The following FAM83G variants were observed in gnomAD, a reference collection of about 807,000 sequenced individuals.
The protein encoded by FAM83G is protein FAM83G.
Under a neutral mutation model 61.5 loss-of-function variants are expected in FAM83G, and 38 were observed. That is an observed-to-expected ratio of 0.62 (90% CI 0.48 to 0.81). The LOEUF is 0.81. FAM83G is among the 30% of genes least tolerant of loss of function. FAM83G has a pLI of 0.00. For missense variants in FAM83G, 989 were observed against 1,133.6 expected (o/e 0.87, Z 1.83); for synonymous variants, 470 against 476.1 (o/e 0.99, Z 0.17).
rs142729090 is a variant in FAM83G at position 18,972,005 on chromosome 17, A to G, written c.2083-257T>C. Among the ~76,000 whole-genome samples, 1,004 of 152,268 alleles carry G rather than the reference A, an allele frequency of 6.6e-3. 19 individuals are homozygous for G. Among genetic ancestry groups the G allele is most frequent in the African/African-American group, 0.022 (917 of 41,564 alleles). On this transcript the variant is annotated intron_variant, in intron 5 of 5. Coordinates refer to ENST00000388995, the MANE Select transcript of FAM83G (RefSeq NM_001039999.3). ...CCAGCTCACCCCCGCAGCCTCCTCT[A>G]TTCCGACACAGGCCTGGGACGTGGT...
At chr17:19,002,407 G>A (rs572355102) in intron 2 of FAM83G, among the ~76,000 whole-genome samples, 9 of 152,312 alleles carry the variant, frequency 5.9e-5, no homozygotes, top group African/African-American at 1.4e-4. Context: ...CTTGACCCAC[G>A]TCTGGTTTCT....
chr17:19,005,112 T>C (rs2043847323), upstream of FAM83G, among the ~76,000 whole-genome samples: 1 of 152,068 alleles, frequency 6.6e-6, no homozygotes, highest in East Asian at 1.9e-4. Context: ...GGGAAGTCCG[T>C]GCGGCTGTAT....
At chr17:18,972,984 G>A (rs560635447) in intron 5 of FAM83G, among the ~76,000 whole-genome samples, 1 of 152,118 alleles carries the variant, frequency 6.6e-6, no homozygotes, top group Non-Finnish European at 1.5e-5. Context: ...CTCATGCTCC[G>A]GCATGCTGTG....
chr17:18,971,035 C>T lies in FAM83G; in HGVS notation c.*324G>A, dbSNP rs746717664. On this transcript the variant is annotated 3_prime_UTR_variant, in exon 6 of 6. Transcript: ENST00000388995. The surrounding 1 kb of genome is among the most constrained non-coding windows in gnomAD (Gnocchi z 5.5). Reference sequence around the variant, plus strand: ...CAGCTTTTGACCAGATCGGTGGTTACGGGCAGCTGGAGGCAGCCTACGCCC... The same window carrying T: ...CAGCTTTTGACCAGATCGGTGGTTATGGGCAGCTGGAGGCAGCCTACGCCC... 24 of 1,613,826 alleles carry T rather than the reference C, an allele frequency of 1.5e-5. No homozygotes were observed. The highest frequency in any genetic ancestry group is 1.3e-4 in the East Asian group (6 of 44,900).
Position 18,971,401 on chromosome 17 carries a change from A to G in FAM83G, c.2430T>C (p.Ser810=). ...TGGSQWASSD[S]KRRAQAPRDR... ...CCCGGGGGGCTTGAGCCCTCCGTTTAGAATCCGATGAGGCCCACTGGCTAC... is the reference window on the plus strand; with the variant it reads ...CCCGGGGGGCTTGAGCCCTCCGTTTGGAATCCGATGAGGCCCACTGGCTAC... Residue 810 remains serine (S), a synonymous_variant, in exon 6 of 6, where the codon TCT becomes TCC. Transcript: ENST00000388995. This position sits in a 1 kb window ranked among gnomAD's most constrained non-coding sequence, Gnocchi z 5.5. The G allele has an allele frequency of 1.2e-6, 2 of 1,613,750 alleles. No individual in the cohort carries two copies. The highest frequency in any genetic ancestry group is 8.5e-7 in the Non-Finnish European group (1 of 1,179,992).
chr17:19,002,165 A>C (rs1272192815), intron 2 of FAM83G, among the ~76,000 whole-genome samples: 1 of 152,060 alleles, frequency 6.6e-6, no homozygotes. Flanking sequence ...TTGTCACCCG[A>C]TATTCCATCT....
At chr17:18,978,954 C>T in intron 4 of FAM83G, 104 bp from the exon 5 acceptor site, 1 of 1,333,686 alleles carries the variant, frequency 7.5e-7, no homozygotes, top group South Asian at 1.4e-5. Context: ...GCCACAGGGC[C>T]CTGGGATCAA....
chr17:18,973,420 C>G (rs1453730087), intron 5 of FAM83G, among the ~76,000 whole-genome samples: 1 of 152,262 alleles, frequency 6.6e-6, no homozygotes, highest in Non-Finnish European at 1.5e-5. Context: ...GTTCAGGACA[C>G]CAACCAGCAT....
chr17:18,982,824 A>G lies in FAM83G; in HGVS notation c.691-3151T>C, dbSNP rs369554280. On this transcript the variant is annotated intron_variant, in intron 3 of 5. Coordinates refer to ENST00000388995, the MANE Select transcript of FAM83G (RefSeq NM_001039999.3). ...TCTAGGCATTCCTGAGCTCCAGTCAAACAGGCTCCAATCCTAGCACCAAAT... is the reference window on the plus strand; with the variant it reads ...TCTAGGCATTCCTGAGCTCCAGTCAGACAGGCTCCAATCCTAGCACCAAAT... 2.6e-3 allele frequency among the ~76,000 whole-genome samples: 391 copies of G among 152,366 alleles called. 1 individual carries two copies. The highest frequency in any genetic ancestry group is 9.1e-3 in the African/African-American group (380 of 41,590).
rs2042833786 is a variant in FAM83G, at chr17:18,971,182, G to C, written c.*177C>G. ...CGTGGACCGGGATGACCTTTGGCCTGACCATCATGGCCACCTGGTACTGGT... is the reference window on the plus strand; with the variant it reads ...CGTGGACCGGGATGACCTTTGGCCTCACCATCATGGCCACCTGGTACTGGT... On this transcript the variant is annotated 3_prime_UTR_variant, in exon 6 of 6. Transcript: ENST00000388995. The surrounding 1 kb of genome is among the most constrained non-coding windows in gnomAD (Gnocchi z 5.5). 1 of 1,614,048 alleles carries C rather than the reference G, an allele frequency of 6.2e-7. No individual in the cohort carries two copies. Among genetic ancestry groups the C allele is most frequent in the Non-Finnish European group, 8.5e-7 (1 of 1,180,044 alleles).
chr17:18,995,042 G>T (rs1017720530), intron 2 of FAM83G, among the ~76,000 whole-genome samples: 2 of 152,012 alleles, frequency 1.3e-5, no homozygotes, highest in African/African-American at 4.8e-5. Flanking sequence ...CCAGAACAAG[G>T]CTCCAAAATA....
chr17:18,972,140 C>A (rs967687946), intron 5 of FAM83G, among the ~76,000 whole-genome samples: 3 of 152,184 alleles, frequency 2.0e-5, no homozygotes, highest in African/African-American at 7.2e-5. Context: ...TCCAGGTGAC[C>A]TCAGATGAGC....
In FAM83G at chr17:18,977,898, G is replaced by A. The variant is rs1236212888; in HGVS notation, c.1768C>T (p.Leu590Phe). 1.2e-6 allele frequency: 2 copies of A among 1,610,716 alleles called. No individual in the cohort carries two copies. Among genetic ancestry groups the A allele is most frequent in the Non-Finnish European group, 1.7e-6 (2 of 1,179,706 alleles). Reference sequence around the variant, plus strand: ...CCTGAGTGGCTGTCCTGGTCACTGAGGGTTACGTAGTCGTCATCATCTTCT... The same window carrying A: ...CCTGAGTGGCTGTCCTGGTCACTGAAGGTTACGTAGTCGTCATCATCTTCT... ...EEEDDDDYVT[L>F]SDQDSHSGSS... Residue 590 changes from leucine (L) to phenylalanine (F), a missense_variant, in exon 5 of 6, where the codon CTC (leucine) becomes TTC (phenylalanine). Leu to Phe is a conservative substitution (Grantham distance 22, BLOSUM62 0). Transcript: ENST00000388995.
At chr17:18,995,364 A>AAACACTAT (rs1731468429) in intron 2 of FAM83G, among the ~76,000 whole-genome samples, 1 of 152,222 alleles carries the variant, frequency 6.6e-6, no homozygotes, top group Non-Finnish European at 1.5e-5. Flanking sequence ...AGGTGGAATT[A>AAACACTAT]ACAGATTAAA....
In FAM83G at chr17:18,978,397, G is replaced by A. The variant is rs746619261; in HGVS notation, c.1269C>T (p.Ser423=). 18 of 1,590,050 alleles carry A rather than the reference G, an allele frequency of 1.1e-5. No homozygotes were observed. The highest frequency in any genetic ancestry group is 4.5e-5 in the South Asian group (4 of 88,644). ...TWVEPDPEPG[S]DILGYINIID... ...TGATATTGATGTAGCCCAGGATGTC[G>A]CTGCCAGGCTCCGGGTCTGGCTCCA... The change falls in exon 5 of 6, where the codon AGC becomes AGT. Residue 423 remains serine (S), a synonymous_variant. Coordinates refer to ENST00000388995, the MANE Select transcript of FAM83G (RefSeq NM_001039999.3).
intron 2 of FAM83G, among the ~76,000 whole-genome samples, chr17:18,990,535 G>A (rs972765711): frequency 3.9e-5 from 6 of 152,220 alleles, no homozygotes; most frequent in Non-Finnish European, 8.8e-5. Flanking sequence ...TGGCAGATGG[G>A]GACTTGCCCT....
chr17:18,977,722 C>T lies in FAM83G; in HGVS notation c.1944G>A (p.Gln648=), dbSNP rs201172910. ...ANGPTPPPRR[Q]LSAPHITRGT... ...CTCGGGTTATATGGGGGGCACTCAG[C>T]TGCCGGCGCGGTGGTGGGGTTGGCC... Residue 648 remains glutamine, a synonymous_variant, in exon 5 of 6, where the codon CAG becomes CAA. Transcript: ENST00000388995. 1.8e-5 allele frequency: 29 copies of T among 1,608,482 alleles called. No individual in the cohort carries two copies. The highest frequency in any genetic ancestry group is 2.5e-5 in the Non-Finnish European group (29 of 1,178,296).
chr17:18,978,557 G>C lies in FAM83G; in HGVS notation c.1109C>G (p.Ala370Gly), dbSNP rs1325846049. 6.2e-7 allele frequency: 1 copy of C among 1,613,266 alleles called. No homozygotes were observed. Among genetic ancestry groups the C allele is most frequent in the East Asian group, 2.2e-5 (1 of 44,868 alleles). Reference protein sequence around the residue: ...IAKISSEKQEAKKPLGLKGPA... With the variant: ...IAKISSEKQEGKKPLGLKGPA... ...GCCTTTCAGCCCCAGGGGCTTCTTG[G>C]CCTCCTGCTTCTCAGAGGAGATCTT... The change falls in exon 5 of 6, where the codon GCC becomes GGC. Residue 370 changes from alanine (A) to glycine (G), a missense_variant. By Grantham distance (60) the Ala-to-Gly change is moderately conservative. Transcript: ENST00000388995.
At position 19,004,204 on chromosome 17, in the gene FAM83G, G is replaced by A; in HGVS notation, c.-128-35C>T. On this transcript the variant is annotated intron_variant, in intron 1 of 5. Coordinates refer to ENST00000388995, the MANE Select transcript of FAM83G (RefSeq NM_001039999.3). This position sits in a 1 kb window ranked among gnomAD's most constrained non-coding sequence, Gnocchi z 5.4. ...AGACCTGATGAGCCCGGCTCGGCGG[G>A]GAGGGCGGGCCGCGCGGGGAGGGGC... 2 of 651,868 alleles carry A rather than the reference G, an allele frequency of 3.1e-6. No homozygotes were observed. The highest frequency in any genetic ancestry group is 4.9e-6 in the Non-Finnish European group (2 of 409,768). 40.4% of individuals were successfully genotyped at this position (651,868 alleles called of 1,614,324 possible).
Sources: allele counts gnomAD v4.1 joint callset (sites outside exome capture counted in the v4.1 genomes callset), GRCh38; gene constraint gnomAD v4.1.1; non-coding constraint Gnocchi (gnomAD v3.1); transcripts MANE v1.5; gene names NCBI Gene and HGNC (gene_info 2026-07-23, HGNC 2026-07-21).